The following FRMD3 variants were observed in gnomAD, a reference collection of about 807,000 sequenced individuals.
FRMD3 encodes FERM domain-containing protein 3.
In FRMD3, 33 loss-of-function variants were observed where a neutral mutation model predicts 70.2. The ratio of observed to expected loss-of-function variants is 0.47; its 90% CI spans 0.36 to 0.63. The LOEUF (loss-of-function observed/expected upper bound fraction) is 0.63. FRMD3 is among the 20% of genes least tolerant of loss of function. The pLI, the probability that FRMD3 is intolerant of heterozygous loss-of-function variation, is 0.00. For synonymous variants in FRMD3, 279 were observed against 255.9 expected (o/e 1.09, Z -0.86); for missense variants, 632 against 711.4 (o/e 0.89, Z 1.27).
chr9:83,545,376 G>A, the FRMD3 span, among the ~76,000 whole-genome samples: 2 of 57,656 alleles, frequency 3.5e-5, no homozygotes, highest in Non-Finnish European at 7.3e-5. Context: ...TTTTTTTTTT[G>A]AGATGGAGTC....
chr9:83,269,963 T>G (rs866396372), intron 13 of FRMD3, among the ~76,000 whole-genome samples: 24 of 152,162 alleles, frequency 1.6e-4, no homozygotes, highest in African/African-American at 5.3e-4. Context: ...GCCTCAGCCA[T>G]TTCTCTCTAC....
chr9:83,481,235 T>A (rs1469930614), intron 1 of FRMD3, among the ~76,000 whole-genome samples: 1 of 152,192 alleles, frequency 6.6e-6, no homozygotes, highest in Non-Finnish European at 1.5e-5. Context: ...ATTACATTAT[T>A]ATAAACAAAT....
chr9:83,474,190 G>C (rs7032181), intron 1 of FRMD3, among the ~76,000 whole-genome samples: 23,537 of 152,100 alleles, frequency 0.15, 1,856 homozygotes, highest in East Asian at 0.2. Context: ...ACAGAGTATA[G>C]CAAAAACATC....
chr9:83,465,276 G>A (rs763712320), intron 1 of FRMD3, among the ~76,000 whole-genome samples: 24 of 152,080 alleles, frequency 1.6e-4, no homozygotes, highest in Admixed American at 1.3e-4. Context: ...TCCTGACTCC[G>A]GTCCCAGTGC....
chr9:83,438,221 T>A (rs1475586819), intron 1 of FRMD3, among the ~76,000 whole-genome samples: 1 of 152,178 alleles, frequency 6.6e-6, no homozygotes, highest in Non-Finnish European at 1.5e-5. Context: ...GTGAAGTGAA[T>A]ATAACATTAC....
chr9:83,451,526 A>G (rs1827657311), intron 1 of FRMD3, among the ~76,000 whole-genome samples: 1 of 152,200 alleles, frequency 6.6e-6, no homozygotes, highest in South Asian at 2.1e-4. Context: ...ACACTGCCAC[A>G]CTGCAGTTTA....
At chr9:83,529,024 G>A (rs1294194200) in intron 1 of FRMD3, among the ~76,000 whole-genome samples, 1 of 152,188 alleles carries the variant, frequency 6.6e-6, no homozygotes, top group Non-Finnish European at 1.5e-5. Context: ...ATAAAGTAGT[G>A]ATAAAAGCAG....
chr9:83,277,630 G>C (rs576152618), intron 13 of FRMD3, among the ~76,000 whole-genome samples: 2 of 152,186 alleles, frequency 1.3e-5, no homozygotes, highest in Non-Finnish European at 2.9e-5. Flanking sequence ...CAAAGTGCTA[G>C]GAGTATAGGC....
intron 3 of FRMD3, among the ~76,000 whole-genome samples, chr9:83,361,435 G>T (rs928036822): frequency 6.6e-6 from 1 of 152,230 alleles, no homozygotes; most frequent in African/African-American, 2.4e-5. Context: ...AGCATAGGCT[G>T]CCCCTCACTC....
the FRMD3 span, among the ~76,000 whole-genome samples, chr9:83,575,800 C>T: frequency 6.6e-6 from 1 of 152,124 alleles, no homozygotes; most frequent in East Asian, 1.9e-4. Flanking sequence ...CAGATAGCTT[C>T]GTTGATGAAT....
chr9:83,388,165 G>A (rs1825565075), intron 2 of FRMD3, among the ~76,000 whole-genome samples: 1 of 152,156 alleles, frequency 6.6e-6, no homozygotes, highest in Admixed American at 6.5e-5. Context: ...AGGACTCCAA[G>A]AGCAAAATAA....
At chr9:83,567,071 T>G in the FRMD3 span, among the ~76,000 whole-genome samples, 1 of 152,192 alleles carries the variant, frequency 6.6e-6, no homozygotes, top group African/African-American at 2.4e-5. Context: ...GCAGCAAACT[T>G]TTGCCTGGGC....
the FRMD3 span, among the ~76,000 whole-genome samples, chr9:83,550,189 C>T: frequency 6.6e-6 from 1 of 152,100 alleles, no homozygotes; most frequent in African/African-American, 2.4e-5. Context: ...TATCCCAGAA[C>T]CATTTATTGA....
intron 3 of FRMD3, 147 bp from the exon 4 acceptor site, chr9:83,349,904 G>C: frequency 1.9e-6 from 1 of 537,974 alleles, no homozygotes; most frequent in Non-Finnish European, 3.3e-6. Context: ...AAGCAGATAT[G>C]ATGCCCAAGA....
chr9:83,413,417 C>A (rs1232552804), intron 1 of FRMD3, among the ~76,000 whole-genome samples: 1 of 152,178 alleles, frequency 6.6e-6, no homozygotes, highest in Non-Finnish European at 1.5e-5. Context: ...CATGTGCCAG[C>A]CATAGATGGG....
chr9:83,281,144 A>G (rs1157997057), intron 13 of FRMD3, among the ~76,000 whole-genome samples: 4 of 152,212 alleles, frequency 2.6e-5, no homozygotes, highest in African/African-American at 4.8e-5. Context: ...TCCTGTCTCA[A>G]TTTAAGCTTG....
chr9:83,494,067 C>G (rs1828887487), intron 1 of FRMD3, among the ~76,000 whole-genome samples: 1 of 152,232 alleles, frequency 6.6e-6, no homozygotes, highest in East Asian at 1.9e-4. Flanking sequence ...TAGCCACTAT[C>G]CTAGCCTCCT....
chr9:83,558,157 T>C, the FRMD3 span, among the ~76,000 whole-genome samples: 1 of 152,254 alleles, frequency 6.6e-6, no homozygotes, highest in African/African-American at 2.4e-5. Flanking sequence ...TGTTGAAGGA[T>C]AGTCTTAGCT....
chr9:83,504,368 A>G (rs1373457570), intron 1 of FRMD3, among the ~76,000 whole-genome samples: 1 of 152,104 alleles, frequency 6.6e-6, no homozygotes, highest in Non-Finnish European at 1.5e-5. Flanking sequence ...TCCTCTTTAA[A>G]AACACAAGAC....
Sources: gnomAD v4.1 joint callset for allele counts (sites outside exome capture counted in the v4.1 genomes callset) on GRCh38, gnomAD v4.1.1 for gene constraint, MANE v1.5 for transcripts, NCBI Gene and HGNC (gene_info 2026-07-23, HGNC 2026-07-21) for gene names.